LEP: variants seen among roughly 807,000 people sequenced by gnomAD.
The protein encoded by LEP is leptin.
In LEP, 6 loss-of-function variants were observed where a neutral mutation model predicts 9.8. The ratio of observed to expected loss-of-function variants is 0.61; its 90% CI spans 0.34 to 1.21. LEP has a LOEUF of 1.21. Ranked by LOEUF, LEP falls within the 50% of genes most tolerant of loss-of-function variation. LEP has a pLI of 0.04. For synonymous variants in LEP, 112 were observed against 81.7 expected (o/e 1.37, Z -2.00); for missense variants, 134 against 198.1 (o/e 0.68, Z 1.94).
rs986013984 is a variant in LEP, at chr7:128,257,534, A to C, written c.*2771A>C. ...CAGTGAGCCAAGATCGCGCCACTGC[A>C]CTCCGGCCTGATGACAGAGCGAGAT... On this transcript the variant is annotated 3_prime_UTR_variant, in exon 3 of 3. Coordinates refer to ENST00000308868, the MANE Select transcript of LEP (RefSeq NM_000230.3). The C allele has an allele frequency of 6.8e-6, 1 of 147,476 alleles. No homozygotes were observed. The highest frequency in any genetic ancestry group is 2.5e-5 in the African/African-American group (1 of 40,096). The allele number at this position is 147,476 out of a possible 1,614,324, so 9.1% of individuals were successfully genotyped here. A position where few individuals can be genotyped will look rare whatever the true frequency, so the allele number is the denominator to read the frequency against.
At chr7:128,242,129 T>A (rs1422949276) in intron 1 of LEP, among the ~76,000 whole-genome samples, 1 of 152,184 alleles carries the variant, frequency 6.6e-6, no homozygotes, top group Non-Finnish European at 1.5e-5. Flanking sequence ...TTAAAGATAG[T>A]GGTGCTTTGG....
At chr7:128,248,364 G>A (rs1323331695) in intron 1 of LEP, among the ~76,000 whole-genome samples, 1 of 152,186 alleles carries the variant, frequency 6.6e-6, no homozygotes, top group East Asian at 1.9e-4. Flanking sequence ...CCCGGGAGGT[G>A]GAGGTTGCAG....
chr7:128,257,627 T>A lies in LEP; in HGVS notation c.*2864T>A, dbSNP rs1795358282. 6.6e-6 allele frequency: 1 copy of A among 151,382 alleles called. No homozygotes were observed. The highest frequency in any genetic ancestry group is 1.5e-5 in the Non-Finnish European group (1 of 67,832). The allele number at this position is 151,382 out of a possible 1,614,324, so 9.4% of individuals were successfully genotyped here. A position where few individuals can be genotyped will look rare whatever the true frequency, so the allele number is the denominator to read the frequency against. The stretch of plus-strand genomic sequence containing the variant: ...ATCTAAATAAAATAACTTTGCCCCC[T>A]GCTCTTTGTTTCCTGTCGCCGTTCC... On this transcript the variant is annotated 3_prime_UTR_variant, in exon 3 of 3. Transcript: ENST00000308868.
intron 1 of LEP, among the ~76,000 whole-genome samples, chr7:128,249,435 A>G (rs1795249724): frequency 6.6e-6 from 1 of 152,228 alleles, no homozygotes; most frequent in Non-Finnish European, 1.5e-5. Context: ...TCTATAGTCC[A>G]GGCATCAGAA....
In LEP at chr7:128,252,024, T is replaced by C. The variant is rs199879263; in HGVS notation, c.6T>C (p.His2=). Residue 2 remains histidine, a synonymous_variant, in exon 2 of 3, where the codon CAT becomes CAC. Transcript: ENST00000308868. ...AGCCCATCCTGGGAAGGAAAATGCA[T>C]TGGGGAACCCTGTGCGGATTCTTGT... M[H]WGTLCGFLWL... 43 of 1,614,072 alleles carry C rather than the reference T, an allele frequency of 2.7e-5. 1 individual carries two copies. Among genetic ancestry groups the C allele is most frequent in the Middle Eastern group, 1.6e-4 (1 of 6,084 alleles).
intron 1 of LEP, among the ~76,000 whole-genome samples, chr7:128,246,935 T>C (rs1795218274): frequency 6.6e-6 from 1 of 152,056 alleles, no homozygotes. Context: ...AAGTGGGCCA[T>C]GAGGGAGACA....
chr7:128,246,276 G>A (rs1031340), intron 1 of LEP, among the ~76,000 whole-genome samples: 13,726 of 151,702 alleles, frequency 0.09, 1,678 homozygotes, highest in African/African-American at 0.28. Flanking sequence ...GGTGGGGTGC[G>A]GGCCCTGCAC....
At chr7:128,243,488 G>C (rs1004414584) in intron 1 of LEP, among the ~76,000 whole-genome samples, 3 of 152,252 alleles carry the variant, frequency 2.0e-5, no homozygotes, top group Non-Finnish European at 4.4e-5. Flanking sequence ...AAGGGGCCAC[G>C]GGCGGGAGTA....
At position 128,252,040 on chromosome 7, in the gene LEP, G is replaced by A. The variant is rs200092598; in HGVS notation, c.22G>A (p.Gly8Arg). MHWGTLC[G>R]FLWLWPYLFY... ...GAAAATGCATTGGGGAACCCTGTGCGGATTCTTGTGGCTTTGGCCCTATCT... is the reference window on the plus strand; with the variant it reads ...GAAAATGCATTGGGGAACCCTGTGCAGATTCTTGTGGCTTTGGCCCTATCT... The change falls in exon 2 of 3, where the codon GGA becomes AGA. Residue 8 changes from glycine to arginine, a missense_variant. By Grantham distance (125) the Gly-to-Arg change is moderately radical (BLOSUM62 -2). Transcript: ENST00000308868. 2.2e-5 allele frequency: 36 copies of A among 1,614,048 alleles called. No homozygotes were observed. Among genetic ancestry groups the A allele is most frequent in the Admixed American group, 3.3e-5 (2 of 59,998 alleles).
intron 1 of LEP, among the ~76,000 whole-genome samples, chr7:128,245,590 T>C (rs1022396478): frequency 5.3e-5 from 8 of 152,320 alleles, no homozygotes; most frequent in Admixed American, 5.2e-4. Context: ...AGAATGTGTA[T>C]AGGGAGAGGA....
chr7:128,245,358 G>A (rs777796447), intron 1 of LEP, among the ~76,000 whole-genome samples: 1 of 152,136 alleles, frequency 6.6e-6, no homozygotes, highest in African/African-American at 2.4e-5. Context: ...TGGGTTCTAT[G>A]CTTCTTCCCT....
At position 128,254,499 on chromosome 7, in the gene LEP, A is replaced by G. The variant is rs1381183438; in HGVS notation, c.240A>G (p.Ala80=). The change falls in exon 3 of 3, where the codon GCA becomes GCG. Residue 80 remains alanine, a synonymous_variant. Coordinates refer to ENST00000308868, the MANE Select transcript of LEP (RefSeq NM_000230.3). ...TATCCAAGATGGACCAGACACTGGC[A>G]GTCTACCAACAGATCCTCACCAGTA... The part of the protein sequence containing the change: ...LTLSKMDQTL[A]VYQQILTSMP... 1.2e-6 allele frequency: 2 copies of G among 1,614,200 alleles called. No homozygotes were observed. The highest frequency in any genetic ancestry group is 1.7e-5 in the Admixed American group (1 of 60,036).
At chr7:128,251,907 G>T in intron 1 of LEP, 84 bp from the exon 2 acceptor site, 1 of 1,109,646 alleles carries the variant, frequency 9.0e-7, no homozygotes. Flanking sequence ...TTTCATCCCC[G>T]TCTGGTAATG....
intron 2 of LEP, among the ~76,000 whole-genome samples, 185 bp downstream of exon 2, chr7:128,252,347 C>T (rs1795285306): frequency 6.6e-6 from 1 of 152,200 alleles, no homozygotes; most frequent in Non-Finnish European, 1.5e-5. Context: ...CTTTTGGCCC[C>T]TCTGCCTGCT....
rs1030817749 is a variant in LEP, at chr7:128,255,514, G to A, written c.*751G>A. 1 of 152,422 alleles carries A rather than the reference G, an allele frequency of 6.6e-6. No individual in the cohort carries two copies. Among genetic ancestry groups the A allele is most frequent in the African/African-American group, 2.4e-5 (1 of 41,456 alleles). 9.4% of individuals were successfully genotyped at this position (152,422 alleles called of 1,614,324 possible). A position where few individuals can be genotyped will look rare whatever the true frequency, so the allele number is the denominator to read the frequency against. The stretch of plus-strand genomic sequence containing the variant: ...ATGTTACATCACAGTGTTTGCAATG[G>A]TGTTGCCCTGAGTGGATCTCCAAGG... On this transcript the variant is annotated 3_prime_UTR_variant, in exon 3 of 3. Transcript: ENST00000308868.
chr7:128,243,420 A>C (rs1351830774), intron 1 of LEP, among the ~76,000 whole-genome samples: 1 of 152,162 alleles, frequency 6.6e-6, no homozygotes, highest in Non-Finnish European at 1.5e-5. Context: ...AGGGCAGGGC[A>C]GGGGTCTCTG....
intron 1 of LEP, 34 bp from the exon 2 acceptor site, chr7:128,251,957 G>C: frequency 6.4e-7 from 1 of 1,557,134 alleles, no homozygotes. Context: ...TGAGATACCG[G>C]CTCCTTGCAG....
chr7:128,253,522 C>T (rs1347170732), intron 2 of LEP, among the ~76,000 whole-genome samples: 2 of 152,218 alleles, frequency 1.3e-5, no homozygotes, highest in African/African-American at 2.4e-5. Flanking sequence ...ACACTATTCA[C>T]AAGGTTGTTA....
At chr7:128,248,469 G>A (rs1025422361) in intron 1 of LEP, among the ~76,000 whole-genome samples, 3 of 151,806 alleles carry the variant, frequency 2.0e-5, no homozygotes, top group African/African-American at 7.3e-5. Flanking sequence ...GCTGGGTGGT[G>A]CATGCCCGTA....
Sources: allele counts gnomAD v4.1 joint callset (sites outside exome capture counted in the v4.1 genomes callset), GRCh38; gene constraint gnomAD v4.1.1; transcripts MANE v1.5; gene names NCBI Gene and HGNC (gene_info 2026-07-23, HGNC 2026-07-21).